TTLL11: variants seen among roughly 807,000 people sequenced by gnomAD.
The protein encoded by TTLL11 is tubulin polyglutamylase TTLL11.
TTLL11 carries 42 observed loss-of-function variants against 51.7 expected under a neutral mutation model. The observed-to-expected ratio is 0.81, with a 90% CI of 0.64 to 1.05. TTLL11 has a LOEUF of 1.05. Among genes scored for constraint, TTLL11 ranks in the 50% least tolerant of loss-of-function variants. The pLI is 0.00. For synonymous variants in TTLL11, 381 were observed against 383.5 expected (o/e 0.99, Z 0.08); for missense variants, 799 against 940.4 (o/e 0.85, Z 1.97).
intron 8 of TTLL11, among the ~76,000 whole-genome samples, chr9:121,858,251 A>G (rs535431361): frequency 1.6e-4 from 25 of 152,046 alleles, no homozygotes; most frequent in African/African-American, 5.3e-4. Context: ...CTTTTGACTT[A>G]AAGAAAGGGG....
In TTLL11 at chr9:121,912,041, A is replaced by G. The variant is rs1840142262; in HGVS notation, c.1482-41293T>C. Among the ~76,000 whole-genome samples, 3 of 152,370 alleles carry G rather than the reference A, an allele frequency of 2.0e-5. No individual in the cohort carries two copies. In the South Asian group the frequency reaches 6.2e-4, roughly 32 times the overall value. On this transcript the variant is annotated intron_variant, in intron 6 of 8. Coordinates refer to ENST00000321582, the MANE Select transcript of TTLL11 (RefSeq NM_001139442.2). ...CATTAACAAATATTTGCAAGCTTCT[A>G]CTATGTAAGAAGCCCTGGCCTGGGC...
chr9:121,947,817 G>A (rs1037070878), intron 6 of TTLL11, among the ~76,000 whole-genome samples: 3 of 152,126 alleles, frequency 2.0e-5, no homozygotes, highest in Non-Finnish European at 2.9e-5. Flanking sequence ...GTACCCCCGC[G>A]GAGCTCAGCT....
chr9:121,998,244 T>C (rs1020163380), intron 3 of TTLL11, among the ~76,000 whole-genome samples: 1 of 152,140 alleles, frequency 6.6e-6, no homozygotes, highest in African/African-American at 2.4e-5. Context: ...CTGCCATAAT[T>C]TACACATTAA....
chr9:121,906,168 T>G (rs539774477), intron 6 of TTLL11, among the ~76,000 whole-genome samples: 6 of 152,192 alleles, frequency 3.9e-5, no homozygotes, highest in Non-Finnish European at 8.8e-5. Flanking sequence ...GAAATTGTCA[T>G]GAAGATTTGT....
At chr9:121,833,903 G>A (rs149186321) in intron 8 of TTLL11, among the ~76,000 whole-genome samples, 2 of 152,196 alleles carry the variant, frequency 1.3e-5, no homozygotes, top group East Asian at 1.9e-4. Flanking sequence ...CCTGGGATTG[G>A]GGTGCTTAAA....
chr9:122,003,407 T>G (rs1843540338), intron 3 of TTLL11, among the ~76,000 whole-genome samples: 1 of 152,038 alleles, frequency 6.6e-6, no homozygotes, highest in African/African-American at 2.4e-5. Context: ...CAATATATAT[T>G]ATAACATTTT....
At chr9:121,977,351 G>T (rs769277273) in intron 4 of TTLL11, among the ~76,000 whole-genome samples, 1 of 152,150 alleles carries the variant, frequency 6.6e-6, no homozygotes, top group Non-Finnish European at 1.5e-5. Flanking sequence ...GAAAAATGAG[G>T]ATAACAATAG....
At position 121,835,599 on chromosome 9, in the gene TTLL11, A is replaced by G. The variant is rs190003036; in HGVS notation, c.1841-12720T>C. Among the ~76,000 whole-genome samples the G allele has an allele frequency of 1.6e-4, 25 of 152,320 alleles. No individual in the cohort carries two copies. The East Asian group carries it at 4.6e-3, about 28-fold the overall frequency. ...GTGTCACGACTGGACCATAAATAGA[A>G]CTTGCAGAAAAATCATTACCCCCAG... On this transcript the variant is annotated intron_variant, in intron 8 of 8. Coordinates refer to ENST00000321582, the MANE Select transcript of TTLL11 (RefSeq NM_001139442.2).
At chr9:121,857,912 C>A (rs1312315533) in intron 8 of TTLL11, among the ~76,000 whole-genome samples, 1 of 152,202 alleles carries the variant, frequency 6.6e-6, no homozygotes, top group Non-Finnish European at 1.5e-5. Flanking sequence ...TACTCCTGAT[C>A]AATTTCAATA....
chr9:122,027,996 G>A (rs10125898), intron 3 of TTLL11, among the ~76,000 whole-genome samples: 6,646 of 152,210 alleles, frequency 0.044, 172 homozygotes, highest in African/African-American at 0.074. Flanking sequence ...GGATGAGGGC[G>A]GGAATGGAAC....
Position 121,989,326 on chromosome 9 carries a change from C to G in TTLL11, c.1138G>C (p.Val380Leu), listed in dbSNP as rs145304541. 1.2e-6 allele frequency: 2 copies of G among 1,614,178 alleles called. No homozygotes were observed. The highest frequency in any genetic ancestry group is 1.7e-6 in the Non-Finnish European group (2 of 1,180,032). Residue 380 changes from valine (V) to leucine (L), a missense_variant, in exon 4 of 9, where the codon GTT becomes CTT. Physicochemically the swap from Val to Leu is conservative, Grantham distance 32 (BLOSUM62 1). Around this residue, in one of 3 missense-constraint regions of TTLL11, gnomAD observed 468 missense variants for 612.8 expected, o/e 0.76. Transcript: ENST00000321582. This position sits in a 1 kb window ranked among gnomAD's most constrained non-coding sequence, Gnocchi z 4.2. ...SILCRLSSKG[V>L]DIKKVWSDII... is the part of the protein sequence containing the mutation. ...TCAGACCAGACCTTCTTGATGTCAA[C>G]GCCTTTGGAAGACAGTCTACAAAGG...
chr9:121,908,081 C>T (rs886285689), intron 6 of TTLL11, among the ~76,000 whole-genome samples: 14 of 152,014 alleles, frequency 9.2e-5, no homozygotes, highest in African/African-American at 1.9e-4. Flanking sequence ...TATGTGGGTT[C>T]GACACTGATG....
At chr9:121,882,875 C>G (rs1397407740) in intron 6 of TTLL11, among the ~76,000 whole-genome samples, 1 of 152,182 alleles carries the variant, frequency 6.6e-6, no homozygotes, top group Non-Finnish European at 1.5e-5. Context: ...AAATTTATAT[C>G]ACAGTCATTT....
rs1450524227 is a variant in TTLL11, at chr9:121,826,221, C to T, written c.1841-3342G>A. Among the ~76,000 whole-genome samples the T allele has an allele frequency of 9.5e-3, 259 of 27,208 alleles. 8 individuals are homozygous for T. The highest frequency in any genetic ancestry group is 0.017 in the African/African-American group (199 of 11,528). 17.8% of individuals were successfully genotyped at this position (27,208 alleles called of 152,430 possible). A position where few individuals can be genotyped will look rare whatever the true frequency, so the allele number is the denominator to read the frequency against. ...ATATATATATATATATATATATGCA[C>T]ACATATATATATACACGCACATATA... On this transcript the variant is annotated intron_variant, in intron 8 of 8. Transcript: ENST00000321582.
chr9:121,837,679 C>T (rs1837219739), intron 8 of TTLL11, among the ~76,000 whole-genome samples: 1 of 152,128 alleles, frequency 6.6e-6, no homozygotes, highest in African/African-American at 2.4e-5. Context: ...TCACTATCCT[C>T]TCTCTCTCTG....
In TTLL11 at chr9:121,870,702, C is replaced by A; in HGVS notation, c.1528G>T (p.Asp510Tyr). 1 of 1,550,712 alleles carries A rather than the reference C, an allele frequency of 6.4e-7. No individual in the cohort carries two copies. Among genetic ancestry groups the A allele is most frequent in the South Asian group, 1.2e-5 (1 of 83,960 alleles). Residue 510 changes from aspartate (D) to tyrosine (Y), a missense_variant, in exon 7 of 9, where the codon GAC (aspartate) becomes TAC (tyrosine). Asp to Tyr is a radical substitution (Grantham distance 160). This residue lies in a region of TTLL11 where 468 missense variants were observed against 612.8 expected (regional missense o/e 0.76). Coordinates refer to ENST00000321582, the MANE Select transcript of TTLL11 (RefSeq NM_001139442.2). The stretch of plus-strand genomic sequence containing the variant: ...TCTGGAGCACTGGTCAGCTCGCCGT[C>A]CAAAGCATCTTCCTTTCCAGCGAAT... Reference protein sequence around the residue: ...KPFAGKEDALDGELTSAPDCN... With the variant: ...KPFAGKEDALYGELTSAPDCN...
intron 8 of TTLL11, among the ~76,000 whole-genome samples, chr9:121,826,513 A>ATGTT (rs756911109): frequency 1.1e-5 from 1 of 89,166 alleles, no homozygotes; most frequent in Non-Finnish European, 2.0e-5. Flanking sequence ...ATATATATAT[A>ATGTT]TGTATATATA....
rs1324358025 is a variant in TTLL11 at position 122,093,007 on chromosome 9, C to T, written c.142G>A (p.Ala48Thr). ...CCTGCCTTGCACTCCGGTTCCCCGG[C>T]CGCGCCCGCGTCCACGCGGACCTGT... ...AEQVRVDAGAAGEPECKAGEE... is the reference protein window; with the variant it reads ...AEQVRVDAGATGEPECKAGEE... The change falls in exon 1 of 9, where the codon GCC (alanine) becomes ACC (threonine). Residue 48 changes from alanine to threonine, a missense_variant. By Grantham distance (58) the Ala-to-Thr change is moderately conservative. Transcript: ENST00000321582. 1 of 1,538,322 alleles carries T rather than the reference C, an allele frequency of 6.5e-7. No individual in the cohort carries two copies. Among genetic ancestry groups the T allele is most frequent in the Non-Finnish European group, 8.7e-7 (1 of 1,151,212 alleles).
chr9:121,908,885 G>T (rs1195003183), intron 6 of TTLL11, among the ~76,000 whole-genome samples: 1 of 152,168 alleles, frequency 6.6e-6, no homozygotes, highest in Non-Finnish European at 1.5e-5. Context: ...GATTACATCT[G>T]TAAATACCCT....
Sources: allele counts gnomAD v4.1 joint callset (sites outside exome capture counted in the v4.1 genomes callset), GRCh38; gene constraint gnomAD v4.1.1; regional missense constraint gnomAD v4.1.1; non-coding constraint Gnocchi (gnomAD v3.1); transcripts MANE v1.5; gene names NCBI Gene and HGNC (gene_info 2026-07-23, HGNC 2026-07-21).